Variants in CWC27 observed in about 807,000 individuals in gnomAD.
CWC27 encodes CWC27 spliceosome associated cyclophilin.
CWC27 carries 47 observed loss-of-function variants against 63.6 expected under a neutral mutation model. The ratio of observed to expected loss-of-function variants is 0.74; its 90% confidence interval spans 0.58 to 0.94. The LOEUF (loss-of-function observed/expected upper bound fraction) is 0.94, where lower values mean the gene tolerates loss of function less well. Among genes scored for constraint, CWC27 ranks in the 40% least tolerant of loss-of-function variants. The pLI is 0.00. For missense variants in CWC27, 495 were observed against 554.3 expected, an observed-to-expected ratio of 0.89 and a Z score of 1.07; for synonymous variants, 175 against 179.8, an observed-to-expected ratio of 0.97 and a Z score of 0.22.
intron 11 of CWC27, among the ~76,000 whole-genome samples, chr5:64,891,272 T>A (rs907718695): frequency 4.6e-5 from 7 of 152,182 alleles, no homozygotes; most frequent in African/African-American, 1.7e-4. Flanking sequence ...TTATCTAGAC[T>A]ATTCAGTTGT....
Position 64,849,540 on chromosome 5 carries a change from G to C in CWC27, c.939-35903G>C, listed in dbSNP as rs146941821. On this transcript the variant is annotated intron_variant, in intron 10 of 13. Coordinates refer to ENST00000381070, the MANE Select transcript of CWC27 (RefSeq NM_005869.4). ...GCACCATCCCTCTAGTGCTGTTCTC[G>C]TGAAAGAGTTCTCACAAGATCTAGT... Among the ~76,000 whole-genome samples the C allele has an allele frequency of 2.3e-4, 35 of 152,024 alleles. No individual in the cohort carries two copies. In the East Asian group the frequency reaches 6.4e-3, roughly 28 times the overall value.
chr5:64,774,681 C>T lies in CWC27; in HGVS notation c.43-10C>T, dbSNP rs1323016439. 6.7e-7 allele frequency: 1 copy of T among 1,482,224 alleles called. No individual in the cohort carries two copies. Among genetic ancestry groups the T allele is most frequent in the Non-Finnish European group, 9.1e-7 (1 of 1,095,056 alleles). 91.8% of individuals were successfully genotyped at this position (1,482,224 alleles called of 1,614,324 possible). A position where few individuals can be genotyped will look rare whatever the true frequency, so the allele number is the denominator to read the frequency against. ...TAATAATTTAATAAAATGTAATATT[C>T]TTTCTACAGGTTTTATTGAAAACTA... On this transcript the variant is annotated splice_polypyrimidine_tract_variant and intron_variant, in intron 1 of 13. Transcript: ENST00000381070.
chr5:64,907,816 T>A (rs1747686970), intron 11 of CWC27, among the ~76,000 whole-genome samples: 1 of 152,014 alleles, frequency 6.6e-6, no homozygotes, highest in South Asian at 2.1e-4. Flanking sequence ...ATAGCTCTTA[T>A]TATTTTGAAA....
chr5:64,921,558 T>C (rs1747999279), intron 11 of CWC27, among the ~76,000 whole-genome samples: 1 of 152,200 alleles, frequency 6.6e-6, no homozygotes, highest in South Asian at 2.1e-4. Flanking sequence ...GTAATCCTAC[T>C]TGAGATAGGT....
chr5:65,007,065 A>G (rs1749861375), intron 13 of CWC27, among the ~76,000 whole-genome samples: 1 of 152,224 alleles, frequency 6.6e-6, no homozygotes, highest in African/African-American at 2.4e-5. Context: ...AAACCTGACA[A>G]GCACTACCTC....
chr5:64,774,667 TA>T, intron 1 of CWC27, 23 bp from the exon 2 acceptor site: 5 of 1,361,384 alleles, frequency 3.7e-6, no homozygotes, highest in Middle Eastern at 2.5e-4. Flanking sequence ...AATAATTTAA[TA>T]AAATGTAATA....
chr5:64,928,139 G>C (rs1199553561), intron 11 of CWC27, among the ~76,000 whole-genome samples: 1 of 149,916 alleles, frequency 6.7e-6, no homozygotes, highest in African/African-American at 2.5e-5. Context: ...TGGGTGATAA[G>C]AGTGAAACTC....
In CWC27 at chr5:65,018,366, A is replaced by G. The variant is rs761304495; in HGVS notation, c.*45A>G. 1.3e-6 allele frequency: 2 copies of G among 1,512,398 alleles called. No individual in the cohort carries two copies. 93.7% of individuals were successfully genotyped at this position (1,512,398 alleles called of 1,614,324 possible). A position where few individuals can be genotyped will look rare whatever the true frequency, so the allele number is the denominator to read the frequency against. On this transcript the variant is annotated 3_prime_UTR_variant, in exon 14 of 14. Coordinates refer to ENST00000381070, the MANE Select transcript of CWC27 (RefSeq NM_005869.4). The stretch of plus-strand genomic sequence containing the variant: ...AGAACTTGCTGGAAATGTGCCTACA[A>G]TGGCCTTGTAACAGCCATTGTTCCC...
intron 11 of CWC27, among the ~76,000 whole-genome samples, chr5:64,904,833 T>C (rs1034983830): frequency 1.3e-5 from 2 of 152,178 alleles, no homozygotes; most frequent in African/African-American, 4.8e-5. Context: ...TTTCAGCTCA[T>C]AGGAATTTAA....
intron 10 of CWC27, among the ~76,000 whole-genome samples, chr5:64,830,608 GCA>G (rs1363104506): frequency 6.6e-6 from 1 of 152,074 alleles, no homozygotes; most frequent in African/African-American, 2.4e-5. Context: ...CTTCTGCACA[GCA>G]AAAGAAACTA....
intron 11 of CWC27, among the ~76,000 whole-genome samples, chr5:64,903,364 A>G (rs1156364055): frequency 6.6e-6 from 1 of 152,206 alleles, no homozygotes; most frequent in South Asian, 2.1e-4. Context: ...TAATCAGTTC[A>G]TGTCCTTTGC....
intron 11 of CWC27, among the ~76,000 whole-genome samples, chr5:64,914,652 T>G (rs1173553499): frequency 6.6e-6 from 1 of 152,126 alleles, no homozygotes; most frequent in Non-Finnish European, 1.5e-5. Context: ...GGAACTCTTA[T>G]CCTCTGGTGT....
At chr5:64,872,620 T>C (rs1746698827) in intron 10 of CWC27, among the ~76,000 whole-genome samples, 1 of 152,208 alleles carries the variant, frequency 6.6e-6, no homozygotes, top group African/African-American at 2.4e-5. Context: ...TTTTTTTACA[T>C]AATGTTGAAA....
chr5:64,977,275 AAT>A (rs1280336487), intron 13 of CWC27, 37 bp downstream of exon 13: 1 of 1,403,276 alleles, frequency 7.1e-7, no homozygotes, highest in Non-Finnish European at 1.0e-6. Flanking sequence ...ACCATGAACA[AAT>A]AGTCTCAGAG....
intron 11 of CWC27, among the ~76,000 whole-genome samples, chr5:64,929,044 T>C (rs1328653622): frequency 6.6e-6 from 1 of 152,036 alleles, no homozygotes; most frequent in Non-Finnish European, 1.5e-5. Context: ...TAGTTAATAA[T>C]ACATGTGTTG....
chr5:64,994,310 T>G (rs1386895502), intron 13 of CWC27, among the ~76,000 whole-genome samples: 1 of 152,138 alleles, frequency 6.6e-6, no homozygotes, highest in African/African-American at 2.4e-5. Flanking sequence ...TTTTGTAACA[T>G]CTCTTTTGAT....
chr5:64,774,790 A>ATGAC lies in CWC27; in HGVS notation c.139+5_139+6insACTG. ...TTTTATCCAACTTTGTTTGGAAGGT[A>ATGAC]TGTTGACTTTTATTCTACTGGAGAA... On this transcript the variant is annotated splice_donor_region_variant and intron_variant, in intron 2 of 13. Transcript: ENST00000381070. The ATGAC allele has an allele frequency of 6.4e-7, 1 of 1,552,370 alleles. No homozygotes were observed. The highest frequency in any genetic ancestry group is 8.8e-7 in the Non-Finnish European group (1 of 1,133,142).
chr5:64,869,832 A>G (rs1054193446), intron 10 of CWC27, among the ~76,000 whole-genome samples: 4 of 152,032 alleles, frequency 2.6e-5, no homozygotes, highest in Non-Finnish European at 5.9e-5. Context: ...ATGGCTAGAG[A>G]GGAAAGAAAA....
chr5:64,971,837 A>G, intron 12 of CWC27, 25 bp downstream of exon 12: 1 of 1,451,606 alleles, frequency 6.9e-7, no homozygotes, highest in Non-Finnish European at 9.5e-7. Context: ...CCAAATCCAT[A>G]CAGAACTTAT....
Sources: allele counts gnomAD v4.1 joint callset (sites outside exome capture counted in the v4.1 genomes callset), GRCh38; gene constraint gnomAD v4.1.1; transcripts MANE v1.5; gene names NCBI Gene and HGNC (gene_info 2026-07-23, HGNC 2026-07-21).